Variants in THAP7 observed in about 807,000 individuals in gnomAD.
The protein encoded by THAP7 is THAP domain-containing protein 7.
THAP7 carries 22 observed loss-of-function variants against 29.2 expected under a neutral mutation model. That is an observed-to-expected ratio of 0.75 (90% CI 0.54 to 1.08). The LOEUF (loss-of-function observed/expected upper bound fraction) is 1.08. Ranked by LOEUF, THAP7 falls within the 50% of genes least tolerant of loss-of-function variation. THAP7 has a pLI of 0.00. For synonymous variants in THAP7, 208 were observed against 173.4 expected, an observed-to-expected ratio of 1.20 and a Z score of -1.57; for missense variants, 448 against 416.2, an observed-to-expected ratio of 1.08 and a Z score of -0.66.
intron 1 of THAP7, 191 bp downstream of exon 1, chr22:21,001,641 C>A: frequency 2.2e-6 from 2 of 890,836 alleles, no homozygotes; most frequent in Non-Finnish European, 3.3e-6. Flanking sequence ...CGGGTCCAAG[C>A]CGGCTAGACT....
In THAP7 at chr22:20,999,202, G is replaced by A. The variant is rs1470973576; in HGVS notation, c.*678C>T. 1.3e-5 allele frequency: 2 copies of A among 152,192 alleles called. No homozygotes were observed. The highest frequency in any genetic ancestry group is 2.9e-5 in the Non-Finnish European group (2 of 68,056). The allele number at this position is 152,192 out of a possible 1,614,324, so 9.4% of individuals were successfully genotyped here. A position where few individuals can be genotyped will look rare whatever the true frequency, so the allele number is the denominator to read the frequency against. On this transcript the variant is annotated 3_prime_UTR_variant, in exon 4 of 4. Transcript: ENST00000215742. ...GGAGTTGAAGGAAAAGGATGCTGAG[G>A]CCAGGACCTGAGTGCTTGTCTCCAT...
rs113988439 is a variant in THAP7, at chr22:21,000,027, G to A, written c.783C>T (p.Cys261=). The change falls in exon 4 of 4, where the codon TGC becomes TGT. Residue 261 remains cysteine (C), a synonymous_variant. Coordinates refer to ENST00000215742, the MANE Select transcript of THAP7 (RefSeq NM_030573.3). ...LDKAQRQLQA[C]KRREQRLRLR... ...ACCGCAGCCGCTGCTCCCGCCGCTT[G>A]CAGGCCTGCAGCTGGCGCTGGGCCT... 1 of 1,612,938 alleles carries A rather than the reference G, an allele frequency of 6.2e-7. No homozygotes were observed. Among genetic ancestry groups the A allele is most frequent in the Non-Finnish European group, 8.5e-7 (1 of 1,179,940 alleles).
At chr22:21,000,610 G>A (rs1925105499) in intron 3 of THAP7, 37 bp downstream of exon 3, 2 of 1,613,314 alleles carry the variant, frequency 1.2e-6, no homozygotes, top group Non-Finnish European at 1.7e-6. Context: ...CTCAGCCTAG[G>A]GGTGGGAGTG....
chr22:20,999,668 CAA>C lies in THAP7; in HGVS notation c.*210_*211del. Reference sequence around the variant, plus strand: ...GAGCCAGGCTCCCTGTTCTCCTTGGCAAAGAGCTTGGACTGAGCCCTCTAGGA... The same window carrying C: ...GAGCCAGGCTCCCTGTTCTCCTTGGCAGAGCTTGGACTGAGCCCTCTAGGA... On this transcript the variant is annotated 3_prime_UTR_variant, in exon 4 of 4. Transcript: ENST00000215742. 1.7e-6 allele frequency: 1 copy of C among 605,950 alleles called. No individual in the cohort carries two copies. The highest frequency in any genetic ancestry group is 2.1e-5 in the South Asian group (1 of 47,416). 37.5% of individuals were successfully genotyped at this position (605,950 alleles called of 1,614,324 possible). A position where few individuals can be genotyped will look rare whatever the true frequency, so the allele number is the denominator to read the frequency against.
rs533809601 is a variant in THAP7, at chr22:20,999,598, A to G, written c.*282T>C. The G allele has an allele frequency of 7.5e-5, 36 of 478,210 alleles. No individual in the cohort carries two copies. The South Asian group carries it at 9.2e-4, about 12-fold the overall frequency. 29.6% of individuals were successfully genotyped at this position (478,210 alleles called of 1,614,324 possible). A position where few individuals can be genotyped will look rare whatever the true frequency, so the allele number is the denominator to read the frequency against. ...ACCCTGTGGGGCACGGAGCTGCGCT[A>G]GCAGGGCTGACTGCCACCTGTCTAC... On this transcript the variant is annotated 3_prime_UTR_variant, in exon 4 of 4. Transcript: ENST00000215742.
rs759739227 is a variant in THAP7, at chr22:21,001,791, T to C, written c.80+41A>G. On this transcript the variant is annotated intron_variant, in intron 1 of 3. Transcript: ENST00000215742. ...GTTGCGACCCGAGGCGAGCAACAAC[T>C]AGCGCATGCGCACGTGAGCCCGCGG... The C allele has an allele frequency of 3.9e-6, 6 of 1,532,700 alleles. No individual in the cohort carries two copies. The African/African-American group carries it at 4.1e-5, about 11-fold the overall frequency. The allele number at this position is 1,532,700 out of a possible 1,614,324, so 94.9% of individuals were successfully genotyped here.
rs1276107194 is a variant in THAP7, at chr22:20,999,853, C to A, written c.*27G>T. ...AGGAAGAGGCTGCAGTCTTGCTGGGCAGCCCCTCGGTCAGTCCAGCAGCCC... is the reference window on the plus strand; with the variant it reads ...AGGAAGAGGCTGCAGTCTTGCTGGGAAGCCCCTCGGTCAGTCCAGCAGCCC... On this transcript the variant is annotated 3_prime_UTR_variant, in exon 4 of 4. Transcript: ENST00000215742. The A allele has an allele frequency of 1.3e-6, 2 of 1,575,998 alleles. No homozygotes were observed. The highest frequency in any genetic ancestry group is 1.7e-6 in the Non-Finnish European group (2 of 1,164,650).
intron 2 of THAP7, chr22:21,001,035 G>T (rs1262414333): frequency 1.4e-5 from 12 of 848,616 alleles, no homozygotes; most frequent in Non-Finnish European, 8.9e-6. Flanking sequence ...GGACTTGCTG[G>T]CAAGACTGGG....
chr22:21,000,703 T>C lies in THAP7; in HGVS notation c.321A>G (p.Gly107=). 1 of 1,614,178 alleles carries C rather than the reference T, an allele frequency of 6.2e-7. No homozygotes were observed. The highest frequency in any genetic ancestry group is 1.7e-5 in the Admixed American group (1 of 60,030). The part of the protein sequence containing the change: ...SKLRRTTKTK[G]HSYPPGPAEV... ...CAGCGGGGCCAGGTGGGTAACTGTG[T>C]CCTTTGGTCTTGGTTGTCCGGCGCA... The change falls in exon 3 of 4, where the codon GGA becomes GGG. Residue 107 remains glycine (G), a synonymous_variant. Coordinates refer to ENST00000215742, the MANE Select transcript of THAP7 (RefSeq NM_030573.3).
rs1925203133 is a variant in THAP7, at chr22:21,001,969, C to G, written c.-58G>C. 9 of 1,481,212 alleles carry G rather than the reference C, an allele frequency of 6.1e-6. No homozygotes were observed. The South Asian group carries it at 1.0e-4, about 17-fold the overall frequency. The allele number at this position is 1,481,212 out of a possible 1,614,324, so 91.8% of individuals were successfully genotyped here. ...GCTCTCCGGGCATCCGGAGGAGCCT[C>G]GCGCCTCCAGCCGCCGCTCCTCCCC... On this transcript the variant is annotated 5_prime_UTR_variant, in exon 1 of 4. Transcript: ENST00000215742.
chr22:21,001,752 G>T, intron 1 of THAP7, 80 bp downstream of exon 1: 2 of 1,410,992 alleles, frequency 1.4e-6, no homozygotes, highest in South Asian at 1.3e-5. Context: ...AGAAAGGCGC[G>T]AAGCCTCTAC....
Position 21,000,668 on chromosome 22 carries a change from C to G in THAP7, c.356G>C (p.Arg119Pro). Reference sequence around the variant, plus strand: ...ATACCGCTTCCTGCATCGTCTGAGCCGGCTGACTTCAGCGGGGCCAGGTGG... The same window carrying G: ...ATACCGCTTCCTGCATCGTCTGAGCGGGCTGACTTCAGCGGGGCCAGGTGG... ...SYPPGPAEVS[R>P]LRRCRKRCSE... Residue 119 changes from arginine to proline, a missense_variant, in exon 3 of 4, where the codon CGG becomes CCG. Transcript: ENST00000215742. 3 of 1,614,136 alleles carry G rather than the reference C, an allele frequency of 1.9e-6. No individual in the cohort carries two copies. In the South Asian group the frequency reaches 3.3e-5, roughly 18 times the overall value.
chr22:21,001,222 T>C (rs1267007860), intron 2 of THAP7, 34 bp downstream of exon 2: 1 of 1,606,604 alleles, frequency 6.2e-7, no homozygotes, highest in African/African-American at 1.3e-5. Flanking sequence ...GAGCCCCACA[T>C]CCTACCCCAG....
In THAP7 at chr22:20,999,520, C is replaced by T. The variant is rs963357306; in HGVS notation, c.*360G>A. 5 of 240,562 alleles carry T rather than the reference C, an allele frequency of 2.1e-5. No homozygotes were observed. Among genetic ancestry groups the T allele is most frequent in the Non-Finnish European group, 3.2e-5 (4 of 123,150 alleles). The allele number at this position is 240,562 out of a possible 1,614,324, so 14.9% of individuals were successfully genotyped here. ...GCTGTTTCAGATCCTATGGAAAGGG[C>T]GCCTGGAGCTGTCTTCCTGGCCCCT... On this transcript the variant is annotated 3_prime_UTR_variant, in exon 4 of 4. Coordinates refer to ENST00000215742, the MANE Select transcript of THAP7 (RefSeq NM_030573.3).
intron 1 of THAP7, 33 bp downstream of exon 1, chr22:21,001,799 G>A: frequency 6.5e-7 from 1 of 1,537,842 alleles, no homozygotes; most frequent in Non-Finnish European, 8.7e-7. Context: ...ACTAGCGCAT[G>A]CGCACGTGAG....
chr22:21,001,669 C>T (rs1434714119), intron 1 of THAP7, 163 bp downstream of exon 1: 2 of 911,960 alleles, frequency 2.2e-6, no homozygotes, highest in African/African-American at 3.4e-5. Flanking sequence ...CTCCCCTTCC[C>T]GACTGCATTC....
At position 20,999,790 on chromosome 22, in the gene THAP7, T is replaced by A; in HGVS notation, c.*90A>T. 5 of 1,446,248 alleles carry A rather than the reference T, an allele frequency of 3.5e-6. No homozygotes were observed. The highest frequency in any genetic ancestry group is 4.6e-6 in the Non-Finnish European group (5 of 1,083,878). 89.6% of individuals were successfully genotyped at this position (1,446,248 alleles called of 1,614,324 possible). The stretch of plus-strand genomic sequence containing the variant: ...GCAGGCCCTCCGTCTAGAATCCGCT[T>A]TATTATGGCACCTGGTGGGTCTGGT... On this transcript the variant is annotated 3_prime_UTR_variant, in exon 4 of 4. Transcript: ENST00000215742.
At chr22:21,000,853 C>G in intron 2 of THAP7, 66 bp from the exon 3 acceptor site, 1 of 1,602,802 alleles carries the variant, frequency 6.2e-7, no homozygotes, top group Non-Finnish European at 8.5e-7. Context: ...AATCTGCCCC[C>G]AGCAGCAGCG....
Position 21,000,780 on chromosome 22 carries a change from G to C in THAP7, c.244C>G (p.His82Asp), listed in dbSNP as rs1925120000. Reference protein sequence around the residue: ...CFELVGISGYHRLKEGAVPTI... With the variant: ...CFELVGISGYDRLKEGAVPTI... ...GGGACTGCCCCCTCCTTTAGCCTGT[G>C]ATATCCACTGCGGGGAAAAGCAACC... The change falls in exon 3 of 4, where the codon CAC becomes GAC. Residue 82 changes from histidine (H) to aspartate (D), a missense_variant. His to Asp is a moderately conservative substitution (Grantham distance 81). Coordinates refer to ENST00000215742, the MANE Select transcript of THAP7 (RefSeq NM_030573.3). 1 of 1,614,058 alleles carries C rather than the reference G, an allele frequency of 6.2e-7. No individual in the cohort carries two copies. The highest frequency in any genetic ancestry group is 8.5e-7 in the Non-Finnish European group (1 of 1,180,036).
Sources: allele counts gnomAD v4.1 joint callset, GRCh38; gene constraint gnomAD v4.1.1; transcripts MANE v1.5; gene names NCBI Gene and HGNC (gene_info 2026-07-23, HGNC 2026-07-21).